AGMO: variants seen among roughly 807,000 people sequenced by gnomAD.
AGMO encodes alkylglycerol monooxygenase.
AGMO carries 75 observed loss-of-function variants against 60.2 expected under a neutral mutation model. The ratio of observed to expected loss-of-function variants is 1.25; its 90% CI spans 1.03 to 1.51. AGMO has a LOEUF of 1.51. AGMO is among the 40% of genes most tolerant of loss of function. The pLI is 0.00. For missense variants in AGMO, 763 were observed against 525.5 expected (o/e 1.45, Z -4.42); for synonymous variants, 261 against 177.1 (o/e 1.47, Z -3.76).
intron 12 of AGMO, among the ~76,000 whole-genome samples, chr7:15,346,063 G>A (rs186079582): frequency 6.6e-6 from 1 of 152,118 alleles, no homozygotes; most frequent in Non-Finnish European, 1.5e-5. Flanking sequence ...ATATTCTGCT[G>A]TTAGTATCAA....
At chr7:15,465,644 C>G (rs1782265019) in intron 3 of AGMO, among the ~76,000 whole-genome samples, 3 of 149,424 alleles carry the variant, frequency 2.0e-5, no homozygotes, top group Admixed American at 1.3e-4. Flanking sequence ...CAGGGTTTCC[C>G]TATATTGCCC....
In AGMO at chr7:15,262,702, G is replaced by C. The variant is rs144592006; in HGVS notation, c.1264-61343C>G. 4.6e-5 allele frequency among the ~76,000 whole-genome samples: 7 copies of C among 151,512 alleles called. No homozygotes were observed. The East Asian group carries it at 1.4e-3, about 29-fold the overall frequency. On this transcript the variant is annotated intron_variant, in intron 12 of 12. Transcript: ENST00000342526. ...CAAATCTGGAGGCATCACTTTACCT[G>C]ATGTTATACTATAAGGCCCATAAAA...
chr7:15,553,470 C>T (rs1008917188), intron 2 of AGMO, among the ~76,000 whole-genome samples: 4 of 151,994 alleles, frequency 2.6e-5, no homozygotes, highest in Non-Finnish European at 5.9e-5. Flanking sequence ...TGGATTCAGG[C>T]AGTCATTCAA....
chr7:15,529,500 T>A (rs1436798569), intron 3 of AGMO, among the ~76,000 whole-genome samples: 1 of 138,612 alleles, frequency 7.2e-6, no homozygotes, highest in African/African-American at 2.7e-5. Context: ...AAGATTCTAG[T>A]TCTTAGACTA....
intron 12 of AGMO, among the ~76,000 whole-genome samples, chr7:15,229,968 C>T (rs1782209309): frequency 6.6e-6 from 1 of 151,470 alleles, no homozygotes; most frequent in Non-Finnish European, 1.5e-5. Context: ...TTAATACAAG[C>T]CATATTTCTC....
the AGMO span, among the ~76,000 whole-genome samples, chr7:15,157,753 C>T: frequency 1.3e-5 from 2 of 152,334 alleles, no homozygotes; most frequent in Non-Finnish European, 2.9e-5. Context: ...TCTTATTTCT[C>T]GACCTTATTT....
chr7:15,529,934 T>A (rs1784261629), intron 3 of AGMO, among the ~76,000 whole-genome samples: 1 of 2,856 alleles, frequency 3.5e-4, no homozygotes, highest in Non-Finnish European at 5.1e-4. Context: ...TATTTCCATA[T>A]AGATATTCTA....
At chr7:15,258,254 T>C (rs921078027) in intron 12 of AGMO, among the ~76,000 whole-genome samples, 2 of 152,204 alleles carry the variant, frequency 1.3e-5, no homozygotes, top group African/African-American at 2.4e-5. Context: ...AAATAGTTTA[T>C]GTGGGACCAA....
chr7:15,534,310 A>G (rs1025606594), intron 3 of AGMO, among the ~76,000 whole-genome samples: 8 of 152,186 alleles, frequency 5.3e-5, no homozygotes, highest in African/African-American at 1.9e-4. Flanking sequence ...TATTTCTTTT[A>G]AAACCTTTCA....
chr7:15,293,871 G>A (rs78127139), intron 12 of AGMO, among the ~76,000 whole-genome samples: 3,393 of 152,114 alleles, frequency 0.022, 125 homozygotes, highest in African/African-American at 0.078. Flanking sequence ...TTAAAATGTT[G>A]TATAAAATTT....
At chr7:15,508,004 T>A (rs1783564851) in intron 3 of AGMO, among the ~76,000 whole-genome samples, 1 of 152,012 alleles carries the variant, frequency 6.6e-6, no homozygotes, top group Non-Finnish European at 1.5e-5. Flanking sequence ...TAATAAAATT[T>A]AAAATGGAAA....
chr7:15,182,056 C>G, the AGMO span, among the ~76,000 whole-genome samples: 1 of 152,038 alleles, frequency 6.6e-6, no homozygotes, highest in Non-Finnish European at 1.5e-5. Context: ...TCTGATACAT[C>G]AGTAAATCTT....
intron 12 of AGMO, among the ~76,000 whole-genome samples, chr7:15,359,774 G>T (rs1207521936): frequency 4.6e-5 from 7 of 152,104 alleles, no homozygotes; most frequent in South Asian, 4.1e-4. Flanking sequence ...ATGTTACATG[G>T]TCACTGCAAT....
Position 15,387,441 on chromosome 7 carries a change from T to TAC in AGMO, c.920_921dup (p.Lys308ValfsTer29). Reference sequence around the variant, plus strand: ...TCTTCACTGAGACCAAGTCTTGGTTTACCTGGACCCCATCCCGGTCCCTTA... The same window carrying TAC: ...TCTTCACTGAGACCAAGTCTTGGTTTACACCTGGACCCCATCCCGGTCCCTTA... On this transcript the variant is annotated frameshift_variant, in exon 9 of 13. Coordinates refer to ENST00000342526, the MANE Select transcript of AGMO (RefSeq NM_001004320.2). LOFTEE classifies it high-confidence loss of function. The TAC allele has an allele frequency of 6.2e-7, 1 of 1,614,048 alleles. No individual in the cohort carries two copies. Among genetic ancestry groups the TAC allele is most frequent in the South Asian group, 1.1e-5 (1 of 91,070 alleles).
At chr7:15,458,430 T>C (rs924833560) in intron 3 of AGMO, among the ~76,000 whole-genome samples, 2 of 152,170 alleles carry the variant, frequency 1.3e-5, no homozygotes, top group Non-Finnish European at 2.9e-5. Flanking sequence ...TGACTTGCTT[T>C]CATAGGAAAG....
At chr7:15,342,172 T>TA (rs775057626) in intron 12 of AGMO, among the ~76,000 whole-genome samples, 4,502 of 54,088 alleles carry the variant, frequency 0.083, 355 homozygotes, top group South Asian at 0.11. Flanking sequence ...CCCACAGAGT[T>TA]AAAAAAAAAA....
chr7:15,517,162 A>G (rs1783834950), intron 3 of AGMO, among the ~76,000 whole-genome samples: 2 of 152,118 alleles, frequency 1.3e-5, no homozygotes, highest in African/African-American at 4.8e-5. Flanking sequence ...CATAGTCCCC[A>G]AATATATAAA....
intron 4 of AGMO, among the ~76,000 whole-genome samples, chr7:15,424,292 C>T (rs1781000467): frequency 6.6e-6 from 1 of 152,060 alleles, no homozygotes; most frequent in Non-Finnish European, 1.5e-5. Context: ...ATCTCTGCCA[C>T]CATGACTGGC....
intron 3 of AGMO, among the ~76,000 whole-genome samples, chr7:15,497,660 G>T (rs371539077): frequency 6.6e-6 from 1 of 151,972 alleles, no homozygotes; most frequent in African/African-American, 2.4e-5. Context: ...GCTCACACAA[G>T]AACACAATTA....
Sources: allele counts gnomAD v4.1 joint callset (sites outside exome capture counted in the v4.1 genomes callset), GRCh38; gene constraint gnomAD v4.1.1; transcripts MANE v1.5; gene names NCBI Gene and HGNC (gene_info 2026-07-23, HGNC 2026-07-21).